Variants in ELAVL2 observed in about 807,000 individuals in gnomAD.
ELAVL2 encodes ELAV-like protein 2.
ELAVL2 carries 4 observed loss-of-function variants against 34.6 expected under a neutral mutation model. The ratio of observed to expected loss-of-function variants is 0.12; its 90% confidence interval spans 0.06 to 0.26. The LOEUF (loss-of-function observed/expected upper bound fraction) is 0.26. Among genes scored for constraint, ELAVL2 ranks in the 10% least tolerant of loss-of-function variants. The pLI is 1.00. For missense variants in ELAVL2, 432 were observed against 442.8 expected (o/e 0.98, Z 0.22); for synonymous variants, 193 against 154.8 (o/e 1.25, Z -1.83).
intron 5 of ELAVL2, among the ~76,000 whole-genome samples, chr9:23,694,842 C>T (rs912005024): frequency 6.6e-5 from 10 of 151,992 alleles, no homozygotes; most frequent in Non-Finnish European, 1.2e-4. Context: ...AAAAGATCTT[C>T]GTGTGTGAGT....
At chr9:23,729,029 G>C (rs2134416140) in intron 3 of ELAVL2, among the ~76,000 whole-genome samples, 1 of 152,208 alleles carries the variant, frequency 6.6e-6, no homozygotes, top group Admixed American at 6.5e-5. Flanking sequence ...CCAAGCAGCT[G>C]GGCCCTAAAG....
At position 23,691,415 on chromosome 9, in the gene ELAVL2, G is replaced by A. The variant is rs527236520; in HGVS notation, c.*1142C>T. The A allele has an allele frequency of 5.9e-5, 9 of 152,444 alleles. No homozygotes were observed. Among genetic ancestry groups the A allele is most frequent in the Non-Finnish European group, 1.2e-4 (8 of 67,956 alleles). The allele number at this position is 152,444 out of a possible 1,614,324, so 9.4% of individuals were successfully genotyped here. On this transcript the variant is annotated 3_prime_UTR_variant, in exon 7 of 7. Coordinates refer to ENST00000397312, the MANE Select transcript of ELAVL2 (RefSeq NM_004432.5). Reference sequence around the variant, plus strand: ...TGCTGCAGTACAAATCATGTGCAACGTCTTTTTTCCTTAAGACAAAACAAT... The same window carrying A: ...TGCTGCAGTACAAATCATGTGCAACATCTTTTTTCCTTAAGACAAAACAAT...
At chr9:23,701,897 T>C (rs934864086) in intron 4 of ELAVL2, among the ~76,000 whole-genome samples, 1 of 152,108 alleles carries the variant, frequency 6.6e-6, no homozygotes, top group Non-Finnish European at 1.5e-5. Flanking sequence ...CCATGTTTTC[T>C]CTCTCTCCCA....
chr9:23,825,575 T>A (rs778699051), intron 1 of ELAVL2, among the ~76,000 whole-genome samples: 17 of 152,270 alleles, frequency 1.1e-4, no homozygotes, highest in Non-Finnish European at 2.5e-4. Context: ...CCTGGCCACA[T>A]TTACCACTTA....
intron 3 of ELAVL2, among the ~76,000 whole-genome samples, chr9:23,717,400 C>T (rs1216425509): frequency 6.6e-6 from 1 of 152,158 alleles, no homozygotes; most frequent in Non-Finnish European, 1.5e-5. Flanking sequence ...ATTAGGTCCT[C>T]ACTAAAGGGG....
At chr9:23,850,526 A>T in the ELAVL2 span, among the ~76,000 whole-genome samples, 1 of 151,458 alleles carries the variant, frequency 6.6e-6, no homozygotes, top group African/African-American at 2.4e-5. Context: ...GGCTGGGTGC[A>T]CCTCATTAAG....
intron 2 of ELAVL2, among the ~76,000 whole-genome samples, chr9:23,757,596 G>A (rs1028425600): frequency 2.0e-5 from 3 of 151,590 alleles, no homozygotes; most frequent in African/African-American, 7.3e-5. Context: ...ATCAGCAGGT[G>A]TCAAGGACTC....
intron 2 of ELAVL2, among the ~76,000 whole-genome samples, chr9:23,760,952 A>C (rs1292407282): frequency 6.6e-6 from 1 of 152,032 alleles, no homozygotes; most frequent in Non-Finnish European, 1.5e-5. Flanking sequence ...GAAAAAGTCA[A>C]AAGTGAACTT....
intron 2 of ELAVL2, among the ~76,000 whole-genome samples, chr9:23,757,403 C>T (rs77914961): frequency 3.3e-5 from 5 of 152,150 alleles, no homozygotes; most frequent in East Asian, 1.9e-4. Context: ...CCTACTCTAC[C>T]GCTTAATAGC....
intron 3 of ELAVL2, among the ~76,000 whole-genome samples, chr9:23,724,521 C>CTTT (rs36103588): frequency 1.1e-4 from 17 of 152,160 alleles, no homozygotes; most frequent in African/African-American, 4.1e-4. Flanking sequence ...AATTTCTGGG[C>CTTT]TTTTTGTATG....
At chr9:23,830,909 A>AC (rs2065480272), upstream of ELAVL2, among the ~76,000 whole-genome samples, 1 of 151,680 alleles carries the variant, frequency 6.6e-6, no homozygotes, top group African/African-American at 2.4e-5. Context: ...AGGAAAAAAA[A>AC]CCCCAAAAAA....
At chr9:23,785,767 GC>G (rs2059604662) in intron 1 of ELAVL2, among the ~76,000 whole-genome samples, 1 of 152,210 alleles carries the variant, frequency 6.6e-6, no homozygotes, top group Admixed American at 6.5e-5. Flanking sequence ...TCCAGTCTGA[GC>G]AGAATAACAG....
At chr9:23,762,305 A>T in intron 1 of ELAVL2, 56 bp from the exon 2 acceptor site, 4 of 1,568,312 alleles carry the variant, frequency 2.6e-6, no homozygotes, top group Non-Finnish European at 3.5e-6. Flanking sequence ...CCTATTAGAG[A>T]CTCCATCCAA....
At chr9:23,790,812 G>C (rs2060237315) in intron 1 of ELAVL2, among the ~76,000 whole-genome samples, 1 of 152,168 alleles carries the variant, frequency 6.6e-6, no homozygotes, top group South Asian at 2.1e-4. Flanking sequence ...CGAGCACACA[G>C]AGCAACACAA....
In ELAVL2 at chr9:23,692,797, C is replaced by A. The variant is rs1403369647; in HGVS notation, c.840G>T (p.Val280=). The change falls in exon 7 of 7, where the codon GTG becomes GTT. Residue 280 remains valine, a synonymous_variant. Coordinates refer to ENST00000397312, the MANE Select transcript of ELAVL2 (RefSeq NM_004432.5). The part of the protein sequence containing the change: ...GHPGTGWCIF[V]YNLAPDADES... ...CATCTGCGTCAGGAGCCAGGTTGTA[C>A]ACAAATATACACCACCCTGTTCCAG... is the stretch of plus-strand genomic sequence containing the variant. 1.2e-6 allele frequency: 2 copies of A among 1,614,042 alleles called. No homozygotes were observed. Among genetic ancestry groups the A allele is most frequent in the Admixed American group, 3.3e-5 (2 of 60,000 alleles).
intron 3 of ELAVL2, among the ~76,000 whole-genome samples, chr9:23,712,853 C>T (rs569289976): frequency 6.6e-6 from 1 of 152,284 alleles, no homozygotes; most frequent in East Asian, 1.9e-4. Flanking sequence ...GATCCTATGA[C>T]ATTGTTAAAG....
chr9:23,753,662 A>C (rs1203437932), intron 2 of ELAVL2, among the ~76,000 whole-genome samples: 2 of 152,134 alleles, frequency 1.3e-5, no homozygotes, highest in Non-Finnish European at 2.9e-5. Context: ...TTTCCATTTT[A>C]GTTCACCATC....
intron 3 of ELAVL2, among the ~76,000 whole-genome samples, chr9:23,723,453 T>C (rs1275256844): frequency 1.3e-5 from 2 of 151,938 alleles, no homozygotes; most frequent in Admixed American, 6.6e-5. Flanking sequence ...TTAGGAGATA[T>C]ACCTAATGCT....
chr9:23,753,900 A>G (rs1015080040), intron 2 of ELAVL2, among the ~76,000 whole-genome samples: 2 of 152,212 alleles, frequency 1.3e-5, no homozygotes, highest in African/African-American at 4.8e-5. Context: ...ATATGTTTAC[A>G]AAGTTTGTGT....
Sources: allele counts gnomAD v4.1 joint callset (sites outside exome capture counted in the v4.1 genomes callset), GRCh38; gene constraint gnomAD v4.1.1; transcripts MANE v1.5; gene names NCBI Gene and HGNC (gene_info 2026-07-23, HGNC 2026-07-21).